The following TCF12 variants were observed in gnomAD, a reference collection of about 807,000 sequenced individuals.
The protein encoded by TCF12 is DNA-binding protein HTF4.
In TCF12, 45 loss-of-function variants were observed where a neutral mutation model predicts 86.0. The observed-to-expected ratio is 0.52, with a 90% CI of 0.41 to 0.67. The LOEUF is 0.67. Ranked by LOEUF, TCF12 falls within the 30% of genes least tolerant of loss-of-function variation. The pLI, the probability that TCF12 is intolerant of heterozygous loss-of-function variation, is 0.00. For missense variants in TCF12, 881 were observed against 859.9 expected (o/e 1.02, Z -0.31); for synonymous variants, 330 against 299.6 (o/e 1.10, Z -1.05).
intron 8 of TCF12, among the ~76,000 whole-genome samples, chr15:57,202,695 G>A (rs1227941235): frequency 2.0e-5 from 3 of 151,020 alleles, no homozygotes; most frequent in African/African-American, 7.3e-5. Flanking sequence ...TCAGCCTCCC[G>A]AAGTGCTGGG....
intron 10 of TCF12, 117 bp from the exon 11 acceptor site, chr15:57,232,595 T>A: frequency 7.0e-7 from 1 of 1,430,020 alleles, no homozygotes; most frequent in Non-Finnish European, 9.4e-7. Flanking sequence ...TGACAATAAG[T>A]AGTGCTCTTT....
intron 5 of TCF12, among the ~76,000 whole-genome samples, chr15:57,100,272 A>G (rs2049634656): frequency 6.6e-6 from 1 of 152,214 alleles, no homozygotes; most frequent in Non-Finnish European, 1.5e-5. Flanking sequence ...GAGCTTTTGT[A>G]GCTTTACAGT....
intron 3 of TCF12, among the ~76,000 whole-genome samples, chr15:56,952,268 G>T (rs150859438): frequency 8.7e-5 from 13 of 149,056 alleles, no homozygotes; most frequent in Non-Finnish European, 1.9e-4. Flanking sequence ...TTGTTTTTAT[G>T]TAATATCATA....
chr15:57,009,546 T>C (rs1473853833), intron 3 of TCF12, among the ~76,000 whole-genome samples: 2 of 152,220 alleles, frequency 1.3e-5, no homozygotes, highest in African/African-American at 4.8e-5. Flanking sequence ...CACAGTACTA[T>C]TTTTGCTGTC....
chr15:57,149,772 A>G (rs1456131047), intron 5 of TCF12, among the ~76,000 whole-genome samples: 1 of 152,210 alleles, frequency 6.6e-6, no homozygotes, highest in Admixed American at 6.5e-5. Context: ...TACTCTAAGC[A>G]GTCTTTGTTT....
At chr15:56,955,311 A>G (rs1303412559) in intron 3 of TCF12, among the ~76,000 whole-genome samples, 3 of 152,086 alleles carry the variant, frequency 2.0e-5, no homozygotes, top group East Asian at 3.9e-4. Context: ...ACAGAAAACC[A>G]AACACCGCAT....
chr15:57,002,142 A>C (rs1379766724), intron 3 of TCF12, among the ~76,000 whole-genome samples: 1 of 152,196 alleles, frequency 6.6e-6, no homozygotes, highest in African/African-American at 2.4e-5. Flanking sequence ...TAGCTCTAAA[A>C]GACTAAAATT....
chr15:57,219,207 G>A, intron 8 of TCF12: 2 of 1,097,384 alleles, frequency 1.8e-6, no homozygotes, highest in Non-Finnish European at 1.1e-6. Context: ...ATAATTTCTT[G>A]GGTTATTTTT....
chr15:57,184,743 T>G (rs1450105100), intron 6 of TCF12, among the ~76,000 whole-genome samples: 8 of 152,112 alleles, frequency 5.3e-5, no homozygotes, highest in Admixed American at 4.6e-4. Context: ...GTGCCCAGCC[T>G]GAGCAAAATA....
At chr15:57,207,791 C>T (rs1295222372) in intron 8 of TCF12, among the ~76,000 whole-genome samples, 1 of 152,064 alleles carries the variant, frequency 6.6e-6, no homozygotes, top group Non-Finnish European at 1.5e-5. Flanking sequence ...TCATGATTTT[C>T]AGTATCTTCT....
intron 6 of TCF12, among the ~76,000 whole-genome samples, chr15:57,181,633 A>G (rs1200056964): frequency 6.6e-6 from 1 of 152,146 alleles, no homozygotes; most frequent in African/African-American, 2.4e-5. Flanking sequence ...CAAAGCTTAC[A>G]CTCATCAAGT....
intron 13 of TCF12, chr15:57,248,123 T>G (rs570843207): frequency 1.0e-5 from 7 of 702,304 alleles, no homozygotes; most frequent in African/African-American, 3.5e-5. Context: ...CTTTTAAAAA[T>G]TATTTTAAGG....
intron 6 of TCF12, among the ~76,000 whole-genome samples, chr15:57,183,421 C>G (rs1030969816): frequency 3.3e-5 from 5 of 152,156 alleles, no homozygotes; most frequent in Admixed American, 2.6e-4. Flanking sequence ...CTGTCACACC[C>G]TCTTTGGATT....
intron 3 of TCF12, among the ~76,000 whole-genome samples, chr15:57,020,063 TTC>T (rs1347733564): frequency 2.0e-5 from 3 of 152,184 alleles, no homozygotes; most frequent in Non-Finnish European, 4.4e-5. Flanking sequence ...CATACTAGAC[TTC>T]TCTCTCACTG....
At chr15:57,043,411 T>C (rs1447013914) in intron 3 of TCF12, among the ~76,000 whole-genome samples, 1 of 152,172 alleles carries the variant, frequency 6.6e-6, no homozygotes, top group African/African-American at 2.4e-5. Flanking sequence ...CTAACAGTGC[T>C]TCCAGTCTCT....
At chr15:57,227,261 C>T (rs183973388) in intron 8 of TCF12, among the ~76,000 whole-genome samples, 2 of 152,234 alleles carry the variant, frequency 1.3e-5, no homozygotes, top group Admixed American at 6.5e-5. Flanking sequence ...AAAGTCATTA[C>T]GCCTCCCTGC....
chr15:57,005,827 C>T (rs1251529715), intron 3 of TCF12, among the ~76,000 whole-genome samples: 1 of 152,168 alleles, frequency 6.6e-6, no homozygotes, highest in Non-Finnish European at 1.5e-5. Context: ...GCCTTAGCCT[C>T]CCAAAGTGCT....
At chr15:57,117,063 G>GA (rs556501333) in intron 5 of TCF12, among the ~76,000 whole-genome samples, 42 of 148,202 alleles carry the variant, frequency 2.8e-4, no homozygotes, top group Admixed American at 5.4e-4. Context: ...AGCTAAAGTA[G>GA]AAAAAAAAAG....
At chr15:57,088,095 C>T (rs1596471455) in intron 4 of TCF12, among the ~76,000 whole-genome samples, 1 of 152,168 alleles carries the variant, frequency 6.6e-6, no homozygotes, top group East Asian at 1.9e-4. Context: ...AAATAGCATT[C>T]ATTTACTGGT....
Sources: gnomAD v4.1 joint callset for allele counts (sites outside exome capture counted in the v4.1 genomes callset) on GRCh38, gnomAD v4.1.1 for gene constraint, MANE v1.5 for transcripts, NCBI Gene and HGNC (gene_info 2026-07-23, HGNC 2026-07-21) for gene names.